ASB3: variants seen among roughly 807,000 people sequenced by gnomAD.
ASB3 encodes the protein ankyrin repeat and SOCS box containing 3, also known as ankyrin repeat and SOCS box protein 3.
In ASB3, 41 loss-of-function variants were observed where a neutral mutation model predicts 54.5. That is an observed-to-expected ratio of 0.75 (90% confidence interval 0.59 to 0.98). The LOEUF (loss-of-function observed/expected upper bound fraction) is 0.98. Ranked by LOEUF, ASB3 falls within the 50% of genes least tolerant of loss-of-function variation. ASB3 has a pLI of 0.00. For synonymous variants in ASB3, 266 were observed against 221.2 expected (o/e 1.20, Z -1.80); for missense variants, 733 against 620.0 (o/e 1.18, Z -1.94).
chr2:53,715,076 C>T (rs1249587662), intron 6 of ASB3, among the ~76,000 whole-genome samples: 1 of 151,862 alleles, frequency 6.6e-6, no homozygotes, highest in Non-Finnish European at 1.5e-5. Context: ...CTAATGTTTT[C>T]ATCAGGAAGA....
intron 8 of ASB3, 30 bp downstream of exon 8, chr2:53,700,241 G>C: frequency 6.3e-7 from 1 of 1,598,930 alleles, no homozygotes; most frequent in Admixed American, 1.7e-5. Flanking sequence ...ACTCAAAAAG[G>C]GTAAGCCCGA....
At chr2:53,744,557 C>T (rs1034831692) in intron 3 of ASB3, among the ~76,000 whole-genome samples, 16 of 151,776 alleles carry the variant, frequency 1.1e-4, no homozygotes, top group African/African-American at 4.8e-5. Flanking sequence ...AACTCAAACC[C>T]GTATTTTAAA....
intron 3 of ASB3, among the ~76,000 whole-genome samples, chr2:53,742,233 T>A (rs1671969780): frequency 6.6e-6 from 1 of 152,204 alleles, no homozygotes; most frequent in Non-Finnish European, 1.5e-5. Context: ...AATGAATTCA[T>A]GTCCAAAAAT....
chr2:53,681,486 A>G (rs1371721623), intron 9 of ASB3, among the ~76,000 whole-genome samples: 1 of 152,172 alleles, frequency 6.6e-6, no homozygotes, highest in East Asian at 1.9e-4. Context: ...GTTTTCTTTT[A>G]GTAGTTAGAG....
At chr2:53,724,425 C>T (rs1670878784) in intron 5 of ASB3, among the ~76,000 whole-genome samples, 1 of 152,008 alleles carries the variant, frequency 6.6e-6, no homozygotes, top group Admixed American at 6.6e-5. Context: ...GGTGAAAACC[C>T]CATCTCTACT....
At chr2:53,677,904 A>G (rs1209904292) in intron 9 of ASB3, among the ~76,000 whole-genome samples, 1 of 152,182 alleles carries the variant, frequency 6.6e-6, no homozygotes, top group Non-Finnish European at 1.5e-5. Context: ...AGTAAAGGTG[A>G]GACTATATTT....
chr2:53,757,301 T>C (rs1672888151), intron 2 of ASB3, among the ~76,000 whole-genome samples: 1 of 152,232 alleles, frequency 6.6e-6, no homozygotes, highest in Admixed American at 6.5e-5. Flanking sequence ...CCAACCCTTC[T>C]GGGTTGGGAG....
chr2:53,672,069 C>T (rs913741556), intron 9 of ASB3, among the ~76,000 whole-genome samples: 1 of 152,158 alleles, frequency 6.6e-6, no homozygotes. Context: ...CAATATCTTC[C>T]AAGCCATAGA....
chr2:53,684,147 C>T (rs1484773161), intron 9 of ASB3, among the ~76,000 whole-genome samples: 2 of 152,108 alleles, frequency 1.3e-5, no homozygotes, highest in Non-Finnish European at 2.9e-5. Flanking sequence ...ATCAAGGAAT[C>T]CACTAATTAA....
intron 2 of ASB3, among the ~76,000 whole-genome samples, chr2:53,755,985 C>G (rs576495110): frequency 9.2e-5 from 14 of 151,408 alleles, no homozygotes; most frequent in East Asian, 1.9e-4. Context: ...AGACCCCCCC[C>G]CCACCTCTAC....
At chr2:53,777,677 G>A (rs776237356) in intron 1 of ASB3, among the ~76,000 whole-genome samples, 25 of 152,102 alleles carry the variant, frequency 1.6e-4, no homozygotes, top group Admixed American at 2.6e-4. Flanking sequence ...CACATTAAAC[G>A]TTGAACAATA....
At chr2:53,674,724 T>G (rs556286466) in intron 9 of ASB3, among the ~76,000 whole-genome samples, 1 of 152,292 alleles carries the variant, frequency 6.6e-6, no homozygotes, top group African/African-American at 2.4e-5. Flanking sequence ...CTACCATTTT[T>G]ATTTTCATCA....
intron 3 of ASB3, among the ~76,000 whole-genome samples, chr2:53,736,966 A>G (rs1157456826): frequency 6.6e-6 from 1 of 152,218 alleles, no homozygotes; most frequent in South Asian, 2.1e-4. Context: ...CCTAGGCAAC[A>G]GAGCAAGACT....
intron 7 of ASB3, 120 bp from the exon 8 acceptor site, chr2:53,700,648 T>C: frequency 7.4e-7 from 1 of 1,352,152 alleles, no homozygotes; most frequent in Non-Finnish European, 9.8e-7. Flanking sequence ...AAATAGTGGA[T>C]GGTTTCTACA....
At position 53,765,483 on chromosome 2, in the gene ASB3, G is replaced by C. The variant is rs758055215; in HGVS notation, c.90C>G (p.Leu30=). 6 of 1,614,040 alleles carry C rather than the reference G, an allele frequency of 3.7e-6. No individual in the cohort carries two copies. The African/African-American group carries it at 6.7e-5, about 18-fold the overall frequency. ...EGNVKVLRKL[L]KKGRSVDVAD... Reference sequence around the variant, plus strand: ...CAACATCGACACTTCGGCCCTTTTTGAGCAGTTTCCTTAAGACTTTAACAT... The same window carrying C: ...CAACATCGACACTTCGGCCCTTTTTCAGCAGTTTCCTTAAGACTTTAACAT... The change falls in exon 2 of 10, where the codon CTC becomes CTG. Residue 30 remains leucine (L), a synonymous_variant. Coordinates refer to ENST00000263634, the MANE Select transcript of ASB3 (RefSeq NM_016115.5).
At chr2:53,765,660 G>A (rs1673401174) in intron 1 of ASB3, 75 bp from the exon 2 acceptor site, 1 of 1,560,542 alleles carries the variant, frequency 6.4e-7, no homozygotes, top group Non-Finnish European at 8.7e-7. Flanking sequence ...GCAAATCACG[G>A]TGGGCCTGTC....
At chr2:53,739,084 T>C (rs150115544) in intron 3 of ASB3, among the ~76,000 whole-genome samples, 495 of 152,316 alleles carry the variant, frequency 3.2e-3, no homozygotes, top group Middle Eastern at 0.01. Context: ...AAAAATGGCA[T>C]GAGAACATAT....
chr2:53,712,873 G>A (rs1670185573), intron 7 of ASB3, among the ~76,000 whole-genome samples: 3 of 152,298 alleles, frequency 2.0e-5, no homozygotes, highest in Middle Eastern at 6.8e-3. Context: ...GCAACTAAAA[G>A]TTATCAGTGC....
chr2:53,671,199 T>C (rs569045621), intron 9 of ASB3, among the ~76,000 whole-genome samples: 3 of 152,344 alleles, frequency 2.0e-5, no homozygotes, highest in Non-Finnish European at 4.4e-5. Context: ...CATAAGCCCA[T>C]GTACTTCACT....
Sources: gnomAD v4.1 joint callset for allele counts (sites outside exome capture counted in the v4.1 genomes callset) on GRCh38, gnomAD v4.1.1 for gene constraint, MANE v1.5 for transcripts, NCBI Gene and HGNC (gene_info 2026-07-23, HGNC 2026-07-21) for gene names.